The following KIAA0319 variants were observed in gnomAD, a reference collection of about 807,000 sequenced individuals.
KIAA0319 encodes KIAA0319, also known as dyslexia-associated protein KIAA0319.
A neutral mutation model predicts 108.4 loss-of-function variants in KIAA0319; 83 were observed. That is an observed-to-expected ratio of 0.77 (90% CI 0.64 to 0.92). The LOEUF (loss-of-function observed/expected upper bound fraction) is 0.92, where lower values mean the gene tolerates loss of function less well. KIAA0319 is among the 40% of genes least tolerant of loss of function. The probability of loss-of-function intolerance (pLI) is 0.00; values close to 1 mark genes in which losing one functional copy is unlikely to be tolerated. For synonymous variants in KIAA0319, 484 were observed against 510.4 expected, an observed-to-expected ratio of 0.95 and a Z score of 0.70; for missense variants, 1,195 against 1,322.4, an observed-to-expected ratio of 0.90 and a Z score of 1.49.
intron 1 of KIAA0319, among the ~76,000 whole-genome samples, chr6:24,630,453 G>T (rs997902897): frequency 4.8e-5 from 7 of 144,540 alleles, no homozygotes; most frequent in South Asian, 2.2e-4. Context: ...AGGTTGCAGT[G>T]AGCTGAGATT....
downstream of KIAA0319, among the ~76,000 whole-genome samples, chr6:24,541,133 T>G (rs1760180314): frequency 6.6e-6 from 1 of 152,126 alleles, no homozygotes; most frequent in Non-Finnish European, 1.5e-5. Flanking sequence ...CTTTCACTAT[T>G]ATATACATGC....
chr6:24,548,552 T>G (rs988154009), intron 20 of KIAA0319, among the ~76,000 whole-genome samples: 1 of 151,226 alleles, frequency 6.6e-6, no homozygotes, highest in Non-Finnish European at 1.5e-5. Context: ...CAGGCTGTTT[T>G]AGGCTTGGAG....
chr6:24,547,356 A>G lies in KIAA0319; in HGVS notation c.3041-13T>C, dbSNP rs941326856. ...CGGTGCTTGATACCTAGAGAGAAGC[A>G]CAGAAGCATCTGAGGAGGAACGCCG... On this transcript the variant is annotated splice_polypyrimidine_tract_variant and intron_variant, in intron 20 of 20. Coordinates refer to ENST00000378214, the MANE Select transcript of KIAA0319 (RefSeq NM_014809.4). The G allele has an allele frequency of 6.2e-7, 1 of 1,611,978 alleles. No individual in the cohort carries two copies. Among genetic ancestry groups the G allele is most frequent in the African/African-American group, 1.3e-5 (1 of 74,898 alleles).
At chr6:24,623,106 T>C (rs927526268) in intron 1 of KIAA0319, among the ~76,000 whole-genome samples, 4 of 152,064 alleles carry the variant, frequency 2.6e-5, no homozygotes, top group Admixed American at 2.0e-4. Flanking sequence ...AAAAATTAGC[T>C]AAGTCAGAAT....
chr6:24,574,155 C>T (rs1765138215), intron 10 of KIAA0319, among the ~76,000 whole-genome samples: 2 of 149,082 alleles, frequency 1.3e-5, no homozygotes, highest in South Asian at 2.1e-4. Flanking sequence ...AACTTTTTGC[C>T]GGGTGTGGTG....
In KIAA0319 at chr6:24,559,073, G is replaced by A. The variant is rs557734049; in HGVS notation, c.2674C>T (p.Arg892Trp). 1.5e-4 allele frequency: 236 copies of A among 1,613,404 alleles called. 2 individuals are homozygous for A. The highest frequency in any genetic ancestry group is 1.4e-3 in the South Asian group (129 of 90,918). Residue 892 changes from arginine (R) to tryptophan (W), a missense_variant, in exon 17 of 21, where the codon CGG becomes TGG. Arg to Trp is a moderately radical substitution (Grantham distance 101). Transcript: ENST00000378214. The part of the protein sequence containing the change: ...AAEVARNLHM[R>W]LSKEKADFLL... ...AAGTCAGCCTTCTCCTTTGAGAGCCGCATGTGCAGATTTCGGGCCACTTCA... is the reference window on the plus strand; with the variant it reads ...AAGTCAGCCTTCTCCTTTGAGAGCCACATGTGCAGATTTCGGGCCACTTCA...
chr6:24,580,063 GT>G, intron 7 of KIAA0319, 113 bp from the exon 8 acceptor site: 1 of 793,144 alleles, frequency 1.3e-6, no homozygotes, highest in Non-Finnish European at 2.0e-6. Context: ...TCAAGAAGGT[GT>G]TTATCCTACA....
At chr6:24,569,714 G>A (rs1245317185) in intron 12 of KIAA0319, among the ~76,000 whole-genome samples, 189 bp downstream of exon 12, 5 of 151,958 alleles carry the variant, frequency 3.3e-5, no homozygotes, top group East Asian at 1.9e-4. Flanking sequence ...ACCTCCCTCC[G>A]CTGTCAATGA....
intron 1 of KIAA0319, among the ~76,000 whole-genome samples, chr6:24,602,586 G>C (rs1477001719): frequency 2.0e-5 from 3 of 152,144 alleles, no homozygotes; most frequent in African/African-American, 7.2e-5. Context: ...GGATCACGAG[G>C]TCAGGAGATC....
chr6:24,558,330 T>C (rs779709762), intron 17 of KIAA0319, among the ~76,000 whole-genome samples: 2 of 151,462 alleles, frequency 1.3e-5, no homozygotes, highest in Non-Finnish European at 2.9e-5. Context: ...CATATTATAA[T>C]TGAGAAAGTC....
At chr6:24,587,525 C>T (rs1767720862) in intron 4 of KIAA0319, among the ~76,000 whole-genome samples, 2 of 150,958 alleles carry the variant, frequency 1.3e-5, no homozygotes, top group Admixed American at 1.3e-4. Context: ...CATGATCCAC[C>T]CACCTCGGCC....
rs917977465 is a variant in KIAA0319, at chr6:24,645,896, C to T, written c.-266G>A. On this transcript the variant is annotated 5_prime_UTR_variant, in exon 1 of 21. The change creates a new upstream start codon in the 5' untranslated region. Coordinates refer to ENST00000378214, the MANE Select transcript of KIAA0319 (RefSeq NM_014809.4). ...ACACACACACACACACACGTTCACA[C>T]CCTCGCGCGCGCACCTGCTGTTAAG... is the stretch of plus-strand genomic sequence containing the variant. 1 of 153,024 alleles carries T rather than the reference C, an allele frequency of 6.5e-6. No homozygotes were observed. The highest frequency in any genetic ancestry group is 1.4e-5 in the Non-Finnish European group (1 of 69,560). The allele number at this position is 153,024 out of a possible 1,614,324, so 9.5% of individuals were successfully genotyped here.
In KIAA0319 at chr6:24,582,340, G is replaced by T. The variant is rs749543985; in HGVS notation, c.1100C>A (p.Thr367Asn). 10 of 1,603,974 alleles carry T rather than the reference G, an allele frequency of 6.2e-6. No homozygotes were observed. In the Admixed American group the frequency reaches 1.0e-4, roughly 16 times the overall value. ...TATTAAATTCCATTCATAGTTGTAGGTTGTTTCTGAGAGCAAAAAATAAAT... is the reference window on the plus strand; with the variant it reads ...TATTAAATTCCATTCATAGTTGTAGTTTGTTTCTGAGAGCAAAAAATAAAT... Reference protein sequence around the residue: ...FVAPAPPVETTYNYEWNLISH... With the variant: ...FVAPAPPVETNYNYEWNLISH... The change falls in exon 6 of 21, where the codon ACC becomes AAC. Residue 367 changes from threonine (T) to asparagine (N), a missense_variant. Coordinates refer to ENST00000378214, the MANE Select transcript of KIAA0319 (RefSeq NM_014809.4).
chr6:24,568,746 G>GC lies in KIAA0319; in HGVS notation c.2140+34dup, dbSNP rs575730183. ...AGGGTCCTGCAGACTCGAAAGCAGA[G>GC]CAGGCCCAGCCCTGTCCACCTCAGA... On this transcript the variant is annotated intron_variant, in intron 13 of 20. Coordinates refer to ENST00000378214, the MANE Select transcript of KIAA0319 (RefSeq NM_014809.4). 2.6e-4 allele frequency: 414 copies of GC among 1,595,588 alleles called. No individual in the cohort carries two copies. In the African/African-American group the frequency reaches 5.1e-3, roughly 20 times the overall value.
intron 19 of KIAA0319, 107 bp downstream of exon 19, chr6:24,554,434 A>G (rs879835583): frequency 3.8e-6 from 3 of 790,864 alleles, no homozygotes; most frequent in Admixed American, 2.3e-5. Flanking sequence ...GTGCATTATT[A>G]TAATAAACAG....
chr6:24,625,833 A>G (rs1304202218), intron 1 of KIAA0319, among the ~76,000 whole-genome samples: 1 of 152,248 alleles, frequency 6.6e-6, no homozygotes, highest in East Asian at 1.9e-4. Flanking sequence ...CATCACAAAG[A>G]GTAAGTACTT....
intron 3 of KIAA0319, among the ~76,000 whole-genome samples, chr6:24,595,561 A>AC (rs1554164861): frequency 6.7e-6 from 1 of 149,526 alleles, no homozygotes; most frequent in Non-Finnish European, 1.5e-5. Flanking sequence ...AAAAAAAAAA[A>AC]AAAAAAAAAC....
At chr6:24,560,289 C>T (rs1378011801) in intron 16 of KIAA0319, among the ~76,000 whole-genome samples, 1 of 152,114 alleles carries the variant, frequency 6.6e-6, no homozygotes, top group African/African-American at 2.4e-5. Flanking sequence ...AACTGTATTC[C>T]ACAGTGGCTG....
At chr6:24,614,291 T>C (rs1399205374) in intron 1 of KIAA0319, among the ~76,000 whole-genome samples, 1 of 152,100 alleles carries the variant, frequency 6.6e-6, no homozygotes, top group African/African-American at 2.4e-5. Flanking sequence ...CGGTCTTCTT[T>C]CTATCACCTC....
Sources: allele counts gnomAD v4.1 joint callset (sites outside exome capture counted in the v4.1 genomes callset), GRCh38; gene constraint gnomAD v4.1.1; transcripts MANE v1.5; gene names NCBI Gene and HGNC (gene_info 2026-07-23, HGNC 2026-07-21).